TRAM2: variants seen among roughly 807,000 people sequenced by gnomAD.
TRAM2 encodes translocation associated membrane protein 2, also known as translocating chain-associated membrane protein 2.
TRAM2 carries 12 observed loss-of-function variants against 51.0 expected under a neutral mutation model. The ratio of observed to expected loss-of-function variants is 0.24; its 90% CI spans 0.15 to 0.38. The LOEUF is 0.38. Ranked by LOEUF, TRAM2 falls within the 10% of genes least tolerant of loss-of-function variation. The pLI is 1.00. For synonymous variants in TRAM2, 175 were observed against 179.4 expected, an observed-to-expected ratio of 0.98 and a Z score of 0.20; for missense variants, 361 against 462.0, an observed-to-expected ratio of 0.78 and a Z score of 2.00.
In TRAM2 at chr6:52,500,251, A is replaced by G. The variant is rs983465137; in HGVS notation, c.*2946T>C. The stretch of plus-strand genomic sequence containing the variant: ...GGCACTTTGGGGCAGGAGAGAATGC[A>G]TAAAACTGAAGAAAACAGCCAAAGT... On this transcript the variant is annotated 3_prime_UTR_variant, in exon 11 of 11. Transcript: ENST00000182527. 6.6e-6 allele frequency: 1 copy of G among 152,256 alleles called. No homozygotes were observed. The highest frequency in any genetic ancestry group is 2.4e-5 in the African/African-American group (1 of 41,468). 9.4% of individuals were successfully genotyped at this position (152,256 alleles called of 1,614,324 possible). A position where few individuals can be genotyped will look rare whatever the true frequency, so the allele number is the denominator to read the frequency against.
chr6:52,552,200 G>A (rs995216447), intron 1 of TRAM2, among the ~76,000 whole-genome samples: 4 of 152,222 alleles, frequency 2.6e-5, no homozygotes, highest in African/African-American at 9.6e-5. Flanking sequence ...TAAAGAGAGC[G>A]AGATTCCAGG....
chr6:52,513,125 G>A (rs9463795), intron 4 of TRAM2, among the ~76,000 whole-genome samples: 3,087 of 152,084 alleles, frequency 0.02, 109 homozygotes, highest in African/African-American at 0.07. Flanking sequence ...AATTATTGGC[G>A]GTCCAGCCAC....
At chr6:52,529,024 G>A (rs1766835455) in intron 2 of TRAM2, among the ~76,000 whole-genome samples, 1 of 149,936 alleles carries the variant, frequency 6.7e-6, no homozygotes, top group Admixed American at 6.6e-5. Context: ...CCGAGCAGCT[G>A]GGACTACAAG....
intron 2 of TRAM2, 22 bp from the exon 3 acceptor site, chr6:52,516,759 C>G (rs760389051): frequency 1.9e-6 from 3 of 1,572,368 alleles, no homozygotes; most frequent in Non-Finnish European, 1.8e-6. Flanking sequence ...ATAAAAGTCC[C>G]ATCAGCATCC....
chr6:52,521,174 T>A (rs950448587), intron 2 of TRAM2, among the ~76,000 whole-genome samples: 1 of 151,914 alleles, frequency 6.6e-6, no homozygotes, highest in Non-Finnish European at 1.5e-5. Flanking sequence ...CTTCCCAAAG[T>A]GCTGGGATTA....
chr6:52,564,900 CA>C (rs1284536962), intron 1 of TRAM2, among the ~76,000 whole-genome samples: 1 of 151,664 alleles, frequency 6.6e-6, no homozygotes, highest in African/African-American at 2.4e-5. Flanking sequence ...AGGTGGGCCT[CA>C]AAAAAGAAAT....
chr6:52,542,092 A>G (rs1472822933), intron 1 of TRAM2, among the ~76,000 whole-genome samples: 1 of 151,994 alleles, frequency 6.6e-6, no homozygotes, highest in Non-Finnish European at 1.5e-5. Context: ...GGTACCTAAA[A>G]CTTCCCTTCT....
chr6:52,556,698 C>T (rs1212604468), intron 1 of TRAM2, among the ~76,000 whole-genome samples: 3 of 152,086 alleles, frequency 2.0e-5, no homozygotes, highest in Non-Finnish European at 4.4e-5. Context: ...GAGGCTAAGA[C>T]AGGCAGATCA....
intron 2 of TRAM2, among the ~76,000 whole-genome samples, chr6:52,520,176 G>A (rs1015751975): frequency 9.2e-5 from 14 of 152,234 alleles, no homozygotes; most frequent in Non-Finnish European, 1.8e-4. Flanking sequence ...AACAACAACA[G>A]CCAGCTGTGT....
intron 1 of TRAM2, among the ~76,000 whole-genome samples, chr6:52,550,913 C>T (rs1767297897): frequency 6.6e-6 from 1 of 152,212 alleles, no homozygotes; most frequent in Admixed American, 6.5e-5. Flanking sequence ...CACACACATC[C>T]TGGTACTACC....
At chr6:52,558,073 G>A (rs1316026536) in intron 1 of TRAM2, among the ~76,000 whole-genome samples, 2 of 152,140 alleles carry the variant, frequency 1.3e-5, no homozygotes, top group Non-Finnish European at 2.9e-5. Context: ...TCTGGTTTTG[G>A]CAGCAGCGCC....
At chr6:52,537,405 A>G (rs1005011973) in intron 1 of TRAM2, among the ~76,000 whole-genome samples, 3 of 152,136 alleles carry the variant, frequency 2.0e-5, no homozygotes, top group Non-Finnish European at 4.4e-5. Context: ...GTTTCAGCCA[A>G]TATATTCTAC....
At chr6:52,553,833 TA>T (rs1361231899) in intron 1 of TRAM2, among the ~76,000 whole-genome samples, 7 of 152,358 alleles carry the variant, frequency 4.6e-5, no homozygotes, top group African/African-American at 1.7e-4. Context: ...GCACAAGGCC[TA>T]GCACATCACA....
chr6:52,515,809 ATC>A lies in TRAM2; in HGVS notation c.411+195_411+196del, dbSNP rs1445324219. 13 of 564,240 alleles carry A rather than the reference ATC, an allele frequency of 2.3e-5. No individual in the cohort carries two copies. In the South Asian group the frequency reaches 2.5e-4, roughly 11 times the overall value. The allele number at this position is 564,240 out of a possible 1,614,324, so 35.0% of individuals were successfully genotyped here. ...TGACTCTCTCCAGCTATAAAATGGC[ATC>A]TCTCTGTAATACCATGAGGATGCAA... On this transcript the variant is annotated intron_variant, in intron 4 of 10. Transcript: ENST00000182527.
At chr6:52,534,348 TCCAG>T (rs1766942933) in intron 2 of TRAM2, among the ~76,000 whole-genome samples, 1 of 152,144 alleles carries the variant, frequency 6.6e-6, no homozygotes, top group African/African-American at 2.4e-5. Context: ...GCCATTGCAC[TCCAG>T]CCTGGGCAAC....
chr6:52,536,106 C>T (rs946191263), intron 1 of TRAM2, among the ~76,000 whole-genome samples: 2 of 152,232 alleles, frequency 1.3e-5, no homozygotes, highest in African/African-American at 4.8e-5. Flanking sequence ...CATGGCAGGA[C>T]AGGAGCTCAC....
intron 1 of TRAM2, among the ~76,000 whole-genome samples, chr6:52,564,664 C>T (rs9349635): frequency 0.92 from 140,536 of 152,096 alleles, 64,959 homozygotes; most frequent in South Asian, 0.98. Flanking sequence ...AGTGACACCA[C>T]CACTCCCTAA....
chr6:52,551,385 T>C (rs1278178486), intron 1 of TRAM2, among the ~76,000 whole-genome samples: 1 of 152,240 alleles, frequency 6.6e-6, no homozygotes, highest in Non-Finnish European at 1.5e-5. Flanking sequence ...GTTGCTTGGA[T>C]GTAGGGATTA....
At chr6:52,566,605 C>T (rs2268708) in intron 1 of TRAM2, among the ~76,000 whole-genome samples, 26,605 of 152,074 alleles carry the variant, frequency 0.17, 2,948 homozygotes, top group East Asian at 0.49. Flanking sequence ...CACGGCAGGA[C>T]CTAAGGGGCC....
Sources: gnomAD v4.1 joint callset for allele counts (sites outside exome capture counted in the v4.1 genomes callset) on GRCh38, gnomAD v4.1.1 for gene constraint, MANE v1.5 for transcripts, NCBI Gene and HGNC (gene_info 2026-07-23, HGNC 2026-07-21) for gene names.